PFKM: variants seen among roughly 807,000 people sequenced by gnomAD.
PFKM encodes ATP-dependent 6-phosphofructokinase, muscle type.
A neutral mutation model predicts 95.5 loss-of-function variants in PFKM; 58 were observed. The observed-to-expected ratio is 0.61, with a 90% CI of 0.49 to 0.76. The LOEUF is 0.76. Ranked by LOEUF, PFKM falls within the 30% of genes least tolerant of loss-of-function variation. PFKM has a pLI of 0.00. For synonymous variants in PFKM, 336 were observed against 357.2 expected, an observed-to-expected ratio of 0.94 and a Z score of 0.67; for missense variants, 678 against 1,005.4, an observed-to-expected ratio of 0.67 and a Z score of 4.40.
intron 1 of PFKM, among the ~76,000 whole-genome samples, chr12:48,106,706 GCAAACAAA>G (rs60225572): frequency 2.6e-5 from 4 of 151,150 alleles, no homozygotes; most frequent in South Asian, 2.1e-4. Context: ...CATTCAGCAA[GCAAACAAA>G]CAAACAAACA....
chr12:48,130,300 G>A, intron 2 of PFKM, 63 bp from the exon 3 acceptor site: 6 of 1,008,540 alleles, frequency 5.9e-6, no homozygotes, highest in Non-Finnish European at 8.0e-6. Context: ...TAATATCTCT[G>A]GATTCCAGGG....
intron 2 of PFKM, among the ~76,000 whole-genome samples, chr12:48,127,237 A>ACC (rs11374838): frequency 1.3e-5 from 2 of 150,942 alleles, no homozygotes; most frequent in Non-Finnish European, 3.0e-5. Flanking sequence ...TTATCATGGA[A>ACC]CCCCCCTTCC....
chr12:48,138,543 G>A (rs866016792), intron 11 of PFKM, among the ~76,000 whole-genome samples: 5 of 152,264 alleles, frequency 3.3e-5, no homozygotes, highest in African/African-American at 1.2e-4. Context: ...GCTTGGAAAT[G>A]TATCTGTAAA....
exon 1 of PFKM, chr12:48,106,058 T>A (rs886878478): frequency 2.8e-6 from 2 of 702,136 alleles, no homozygotes; most frequent in Non-Finnish European, 5.2e-6. Flanking sequence ...TGCGAAGGGG[T>A]TTCCGGCCGG....
intron 2 of PFKM, among the ~76,000 whole-genome samples, chr12:48,124,481 A>C (rs10875746): frequency 0.21 from 32,178 of 152,144 alleles, 3,536 homozygotes; most frequent in Middle Eastern, 0.24. Context: ...CAGAGTTATA[A>C]AATGAAGAAG....
At chr12:48,118,583 A>C, upstream of PFKM, 1 of 1,414,080 alleles carries the variant, frequency 7.1e-7, no homozygotes, top group Non-Finnish European at 9.7e-7. Flanking sequence ...GGAAGGTGAG[A>C]CTTGAGTAAT....
In PFKM at chr12:48,145,763, A is replaced by G. The variant is rs1950998068; in HGVS notation, c.*55A>G. 6.5e-7 allele frequency: 1 copy of G among 1,544,682 alleles called. No homozygotes were observed. Among genetic ancestry groups the G allele is most frequent in the South Asian group, 1.1e-5 (1 of 89,656 alleles). On this transcript the variant is annotated 3_prime_UTR_variant, in exon 23 of 23. Transcript: ENST00000359794. This position sits in a 1 kb window ranked among gnomAD's most constrained non-coding sequence, Gnocchi z 4.3. ...CTGATCATGGTCAGCTCACACCCTA[A>G]TAAGTCCACATCTTCTCAGTGTTTT... is the stretch of plus-strand genomic sequence containing the variant.
Position 48,122,855 on chromosome 12 carries a change from C to G in PFKM, c.81C>G (p.Ala27=). The G allele has an allele frequency of 6.2e-7, 1 of 1,613,826 alleles. No individual in the cohort carries two copies. Among genetic ancestry groups the G allele is most frequent in the African/African-American group, 1.3e-5 (1 of 74,968 alleles). The change falls in exon 2 of 23, where the codon GCC becomes GCG. Residue 27 remains alanine, a synonymous_variant. Transcript: ENST00000359794. ...AIAVLTSGGD[A]QGMNAAVRAV... ...CTGTCTTAACCTCTGGTGGAGATGC[C>G]CAAGGTAAGGAGGAGGGGACAAAAA...
upstream of PFKM, among the ~76,000 whole-genome samples, chr12:48,118,875 C>G (rs1052264627): frequency 8.8e-6 from 1 of 113,290 alleles, no homozygotes; most frequent in Admixed American, 9.4e-5. Flanking sequence ...TCCTCAAAGG[C>G]AGGGACTATA....
rs543884847 is a variant in PFKM, at chr12:48,126,823, T to A, written c.86-3540T>A. ...CTGGAAAACAAACTTTAGTTTCATA[T>A]CTATTCTGATCTTATTGAGCTAACT... On this transcript the variant is annotated intron_variant, in intron 2 of 22. Coordinates refer to ENST00000359794, the MANE Select transcript of PFKM (RefSeq NM_000289.6). Among the ~76,000 whole-genome samples the A allele has an allele frequency of 1.1e-3, 167 of 152,296 alleles. 1 individual carries two copies. Among genetic ancestry groups the A allele is most frequent in the Middle Eastern group, 0.01 (3 of 294 alleles).
chr12:48,143,071 C>A, intron 18 of PFKM, 125 bp downstream of exon 18: 1 of 881,596 alleles, frequency 1.1e-6, no homozygotes, highest in Non-Finnish European at 1.8e-6. Flanking sequence ...CCTGTGAAGA[C>A]CAGAAAGAGC....
intron 3 of PFKM, among the ~76,000 whole-genome samples, chr12:48,109,701 G>A (rs1947019964): frequency 6.6e-6 from 1 of 152,122 alleles, no homozygotes; most frequent in Non-Finnish European, 1.5e-5. Flanking sequence ...GGGTCTGTGT[G>A]GCTCAGTTAA....
At chr12:48,105,516 G>A (rs1946463736), upstream of PFKM, 1 of 519,120 alleles carries the variant, frequency 1.9e-6, no homozygotes, top group Non-Finnish European at 3.8e-6. Flanking sequence ...TCACATCTCA[G>A]GGAGATACCA....
intron 2 of PFKM, among the ~76,000 whole-genome samples, chr12:48,125,968 AT>A (rs1948794162): frequency 6.6e-6 from 1 of 152,202 alleles, no homozygotes; most frequent in Non-Finnish European, 1.5e-5. Context: ...TGCTCAAGTC[AT>A]TTATTAGATT....
chr12:48,130,284 C>T (rs547673786), intron 2 of PFKM, 79 bp from the exon 3 acceptor site: 2 of 884,760 alleles, frequency 2.3e-6, no homozygotes, highest in Non-Finnish European at 3.9e-6. Flanking sequence ...TATCTTTAGC[C>T]AAATGTAATA....
chr12:48,139,146 G>A (rs897641030), intron 11 of PFKM, 139 bp from the exon 12 acceptor site: 26 of 718,902 alleles, frequency 3.6e-5, no homozygotes, highest in Non-Finnish European at 6.6e-5. Flanking sequence ...AAGTTTGGGG[G>A]CATAGGAAAG....
At chr12:48,122,041 G>T (rs1356027614) in intron 1 of PFKM, among the ~76,000 whole-genome samples, 1 of 152,100 alleles carries the variant, frequency 6.6e-6, no homozygotes, top group Non-Finnish European at 1.5e-5. Context: ...CAGTGACTTT[G>T]TGTTAATTTT....
chr12:48,108,029 C>T, intron 2 of PFKM: 1 of 1,595,904 alleles, frequency 6.3e-7, no homozygotes, highest in Non-Finnish European at 8.5e-7. Flanking sequence ...ACTCCCTTCC[C>T]AGAATCCCAC....
chr12:48,116,201 C>T (rs1317724371), upstream of PFKM, among the ~76,000 whole-genome samples: 1 of 148,492 alleles, frequency 6.7e-6, no homozygotes, highest in African/African-American at 2.5e-5. Flanking sequence ...CTCCTTCCCT[C>T]CTTCCTTCTT....
Sources: gnomAD v4.1 joint callset for allele counts (sites outside exome capture counted in the v4.1 genomes callset) on GRCh38, gnomAD v4.1.1 for gene constraint, Gnocchi (gnomAD v3.1) non-coding constraint, MANE v1.5 for transcripts, NCBI Gene and HGNC (gene_info 2026-07-23, HGNC 2026-07-21) for gene names.